Variants in ERC1 observed in about 807,000 individuals in gnomAD.
ERC1 encodes the protein RAB6 interacting protein 2.
A neutral mutation model predicts 132.0 loss-of-function variants in ERC1; 56 were observed. That is an observed-to-expected ratio of 0.42 (90% CI 0.34 to 0.53). ERC1 has a LOEUF of 0.53. Ranked by LOEUF, ERC1 falls within the 20% of genes least tolerant of loss-of-function variation. The pLI is 0.03. For synonymous variants in ERC1, 478 were observed against 476.1 expected, an observed-to-expected ratio of 1.00 and a Z score of -0.05; for missense variants, 1,202 against 1,349.9, an observed-to-expected ratio of 0.89 and a Z score of 1.72.
chr12:1,396,889 G>T (rs888189528), intron 16 of ERC1, among the ~76,000 whole-genome samples: 1 of 152,122 alleles, frequency 6.6e-6, no homozygotes, highest in Non-Finnish European at 1.5e-5. Flanking sequence ...AGCAAGACTC[G>T]TTCAGTCAAA....
intron 13 of ERC1, among the ~76,000 whole-genome samples, chr12:1,252,501 C>A (rs1566389396): frequency 6.6e-6 from 1 of 152,142 alleles, no homozygotes; most frequent in Non-Finnish European, 1.5e-5. Flanking sequence ...CAAGATGAGA[C>A]CCTTCCCAGT....
At chr12:1,216,537 A>G (rs888485307) in intron 12 of ERC1, among the ~76,000 whole-genome samples, 11 of 141,210 alleles carry the variant, frequency 7.8e-5, no homozygotes, top group East Asian at 2.2e-4. Flanking sequence ...TTCATATGCT[A>G]TTGGTGCAGT....
intron 7 of ERC1, among the ~76,000 whole-genome samples, chr12:1,127,072 A>G (rs2154233939): frequency 6.6e-6 from 1 of 152,058 alleles, no homozygotes; most frequent in African/African-American, 2.4e-5. Flanking sequence ...CAATTAACAG[A>G]TAAAGAAACC....
chr12:1,487,355 T>C (rs1001914261), intron 18 of ERC1, among the ~76,000 whole-genome samples: 5 of 150,210 alleles, frequency 3.3e-5, no homozygotes, highest in Non-Finnish European at 4.4e-5. Context: ...CCCTGTCTTA[T>C]GGTGCCAAGC....
At chr12:1,475,922 G>A (rs1250577154) in intron 18 of ERC1, among the ~76,000 whole-genome samples, 1 of 151,492 alleles carries the variant, frequency 6.6e-6, no homozygotes, top group African/African-American at 2.4e-5. Context: ...CTTAAGGCCA[G>A]GAGTTGAAGA....
intron 17 of ERC1, among the ~76,000 whole-genome samples, chr12:1,429,043 T>C (rs558152909): frequency 2.0e-5 from 3 of 152,002 alleles, no homozygotes; most frequent in East Asian, 3.9e-4. Flanking sequence ...AACAGATGGC[T>C]TTTTTTTGGT....
At chr12:1,271,068 T>C (rs1369603719) in intron 14 of ERC1, among the ~76,000 whole-genome samples, 1 of 152,180 alleles carries the variant, frequency 6.6e-6, no homozygotes, top group African/African-American at 2.4e-5. Flanking sequence ...TCTTTGCAAC[T>C]CTTTAAATTT....
At chr12:1,360,684 C>T (rs2051641774) in intron 15 of ERC1, among the ~76,000 whole-genome samples, 1 of 152,156 alleles carries the variant, frequency 6.6e-6, no homozygotes, top group Non-Finnish European at 1.5e-5. Context: ...TTTTGTGTAA[C>T]TTCCCAAAAT....
chr12:1,471,641 A>AC (rs58609653), intron 18 of ERC1, among the ~76,000 whole-genome samples: 48,285 of 152,040 alleles, frequency 0.32, 11,449 homozygotes, highest in African/African-American at 0.67. Flanking sequence ...ATTGCCACTG[A>AC]CCCAATTCAT....
intron 3 of ERC1, among the ~76,000 whole-genome samples, chr12:1,091,565 GGACACCAACCATGCGCACAGCACTA>G: frequency 6.6e-6 from 1 of 152,248 alleles, no homozygotes; most frequent in Non-Finnish European, 1.5e-5. Flanking sequence ...CGTATTTACT[GGACACCAACCATGCGCACAGCACTA>G]AGGATATAGC....
At chr12:1,453,171 AC>A (rs2093461511) in intron 18 of ERC1, among the ~76,000 whole-genome samples, 1 of 151,638 alleles carries the variant, frequency 6.6e-6, no homozygotes, top group Admixed American at 6.6e-5. Context: ...CTTCTGTCCC[AC>A]CCCCAGTGAC....
At chr12:1,403,402 A>C (rs188185026) in intron 16 of ERC1, among the ~76,000 whole-genome samples, 1 of 152,208 alleles carries the variant, frequency 6.6e-6, no homozygotes, top group East Asian at 1.9e-4. Flanking sequence ...AGAGCATACT[A>C]TGAGAGCCCC....
intron 2 of ERC1, among the ~76,000 whole-genome samples, chr12:1,079,384 G>A (rs1369260055): frequency 3.8e-5 from 2 of 52,054 alleles, no homozygotes; most frequent in Admixed American, 2.1e-4. Flanking sequence ...GACAAAAGTC[G>A]ATATACAGAG....
chr12:1,270,040 T>C (rs1426719764), intron 14 of ERC1, among the ~76,000 whole-genome samples: 1 of 152,196 alleles, frequency 6.6e-6, no homozygotes, highest in Non-Finnish European at 1.5e-5. Context: ...TAATTTTCGA[T>C]GACACGTTAC....
At chr12:1,107,919 A>G (rs1945437798) in intron 4 of ERC1, among the ~76,000 whole-genome samples, 1 of 152,198 alleles carries the variant, frequency 6.6e-6, no homozygotes, top group Admixed American at 6.5e-5. Flanking sequence ...GGATTTCAGT[A>G]AGTCCAGTGG....
intron 16 of ERC1, among the ~76,000 whole-genome samples, chr12:1,376,032 G>A (rs931932178): frequency 5.3e-5 from 8 of 152,028 alleles, no homozygotes; most frequent in Admixed American, 3.9e-4. Context: ...CACCGTGCCC[G>A]GCCTGGCTCT....
At chr12:1,291,049 A>G (rs1375247429) in intron 15 of ERC1, among the ~76,000 whole-genome samples, 6 of 152,220 alleles carry the variant, frequency 3.9e-5, no homozygotes, top group African/African-American at 1.4e-4. Flanking sequence ...ACTTTGAACT[A>G]TCAGTAAACT....
At chr12:1,378,671 G>GT (rs2088238720) in intron 16 of ERC1, among the ~76,000 whole-genome samples, 1 of 152,080 alleles carries the variant, frequency 6.6e-6, no homozygotes, top group Non-Finnish European at 1.5e-5. Flanking sequence ...AGAGAGACAT[G>GT]TGTCTAGTCA....
At chr12:1,027,369 C>T (rs1967069080) in intron 1 of ERC1, 2 of 152,106 alleles carry the variant, frequency 1.3e-5, no homozygotes. Flanking sequence ...CTTTATACTT[C>T]TTGTTTTTTT....
Sources: gnomAD v4.1 joint callset for allele counts (sites outside exome capture counted in the v4.1 genomes callset) on GRCh38, gnomAD v4.1.1 for gene constraint, MANE v1.5 for transcripts, NCBI Gene and HGNC (gene_info 2026-07-23, HGNC 2026-07-21) for gene names.